Variants in RARB observed in about 807,000 individuals in gnomAD.
RARB encodes the protein retinoic acid receptor beta, also known as HBV-activated protein.
RARB carries 17 observed loss-of-function variants against 51.9 expected under a neutral mutation model. The observed-to-expected ratio is 0.33, with a 90% CI of 0.22 to 0.49. The LOEUF (loss-of-function observed/expected upper bound fraction) is 0.49, where lower values mean the gene tolerates loss of function less well. Ranked by LOEUF, RARB falls within the 20% of genes least tolerant of loss-of-function variation. The probability of loss-of-function intolerance (pLI) is 0.99; values close to 1 mark genes in which losing one functional copy is unlikely to be tolerated. For missense variants in RARB, 369 were observed against 550.8 expected, an observed-to-expected ratio of 0.67 and a Z score of 3.30; for synonymous variants, 215 against 195.4, an observed-to-expected ratio of 1.10 and a Z score of -0.84.
intron 1 of RARB, among the ~76,000 whole-genome samples, chr3:24,830,512 C>A (rs1325893118): frequency 6.7e-6 from 1 of 149,542 alleles, no homozygotes; most frequent in Non-Finnish European, 1.5e-5. Context: ...CACCCCTCCG[C>A]CCCGCCCCCT....
intron 2 of RARB, among the ~76,000 whole-genome samples, chr3:24,996,778 G>A (rs1038772323): frequency 4.6e-5 from 7 of 151,750 alleles, no homozygotes; most frequent in African/African-American, 1.7e-4. Context: ...TCCTCTTGTT[G>A]TTGATAATCT....
intron 2 of RARB, among the ~76,000 whole-genome samples, chr3:25,026,529 T>TG (rs1697753006): frequency 6.6e-6 from 1 of 152,160 alleles, no homozygotes; most frequent in Non-Finnish European, 1.5e-5. Context: ...AAATTTCCTA[T>TG]TCTTATAAGG....
chr3:25,084,145 C>T (rs774370497), intron 3 of RARB, among the ~76,000 whole-genome samples: 14 of 152,206 alleles, frequency 9.2e-5, no homozygotes, highest in Non-Finnish European at 1.5e-4. Flanking sequence ...CTATTCTTCA[C>T]ATTCTATCTA....
chr3:25,142,747 C>G (rs914510171), intron 4 of RARB, among the ~76,000 whole-genome samples: 29 of 152,072 alleles, frequency 1.9e-4, no homozygotes, highest in African/African-American at 7.0e-4. Context: ...CCTCCAGAAA[C>G]CAAGAGCAGA....
intron 2 of RARB, among the ~76,000 whole-genome samples, chr3:24,976,936 T>C (rs1363597606): frequency 6.6e-6 from 1 of 152,206 alleles, no homozygotes; most frequent in Non-Finnish European, 1.5e-5. Flanking sequence ...TTAATTTTTG[T>C]GTAAGGTGTA....
chr3:24,974,263 C>G lies in RARB; in HGVS notation c.-379-85862C>G, dbSNP rs1238749267. Among the ~76,000 whole-genome samples, 5 of 151,980 alleles carry G rather than the reference C, an allele frequency of 3.3e-5. No individual in the cohort carries two copies. The South Asian group carries it at 6.2e-4, about 19-fold the overall frequency. ...ATTGATTTGCATATGTTGAATTATT[C>G]TTGCATCCCTGGGATGAATTCCACT... On this transcript the variant is annotated intron_variant, in intron 2 of 11. Transcript: ENST00000383772.
intron 5 of RARB, among the ~76,000 whole-genome samples, chr3:25,338,654 G>A (rs753833904): frequency 1.4e-4 from 22 of 152,288 alleles, no homozygotes; most frequent in Middle Eastern, 3.4e-3. Context: ...GCTTCTGTGG[G>A]TTTCTGGAAG....
At chr3:25,321,678 C>G (rs556080667) in intron 5 of RARB, among the ~76,000 whole-genome samples, 1 of 151,884 alleles carries the variant, frequency 6.6e-6, no homozygotes, top group South Asian at 2.1e-4. Context: ...GATCATGCCA[C>G]TGTATCCCAG....
intron 5 of RARB, among the ~76,000 whole-genome samples, chr3:25,247,332 T>C (rs1372824373): frequency 6.6e-6 from 1 of 152,220 alleles, no homozygotes; most frequent in Non-Finnish European, 1.5e-5. Context: ...GAATGAACTG[T>C]TCTGTCTTGC....
chr3:25,239,803 C>G (rs759043498), intron 5 of RARB, among the ~76,000 whole-genome samples: 1 of 151,742 alleles, frequency 6.6e-6, no homozygotes, highest in Non-Finnish European at 1.5e-5. Context: ...TGGTTCCATA[C>G]AAATTTTTTC....
chr3:25,005,241 G>T (rs976599370), intron 2 of RARB, among the ~76,000 whole-genome samples: 3 of 152,100 alleles, frequency 2.0e-5, no homozygotes, highest in Non-Finnish European at 4.4e-5. Flanking sequence ...ACCTTTGCCT[G>T]TATCAGTTAT....
intron 2 of RARB, among the ~76,000 whole-genome samples, chr3:24,926,760 T>TG (rs141801104): frequency 0.039 from 5,945 of 152,166 alleles, 239 homozygotes; most frequent in East Asian, 0.18. Context: ...TCAGAGCTTC[T>TG]GGGTACTATA....
chr3:24,945,007 A>G (rs1483756587), intron 2 of RARB, among the ~76,000 whole-genome samples: 1 of 152,244 alleles, frequency 6.6e-6, no homozygotes, highest in Admixed American at 6.5e-5. Context: ...GTGTGTGAAC[A>G]TGTGCGCCCT....
chr3:25,265,347 A>G (rs1703099831), intron 5 of RARB, among the ~76,000 whole-genome samples: 1 of 152,234 alleles, frequency 6.6e-6, no homozygotes, highest in African/African-American at 2.4e-5. Context: ...GTTGATAAAT[A>G]CATACATAAT....
chr3:25,085,706 A>G (rs772377320), intron 3 of RARB, among the ~76,000 whole-genome samples: 2 of 152,160 alleles, frequency 1.3e-5, no homozygotes, highest in Admixed American at 1.3e-4. Flanking sequence ...ACTTGGCTTC[A>G]TCATCTTCCT....
At chr3:24,986,171 ATGTC>A (rs1035100809) in intron 2 of RARB, among the ~76,000 whole-genome samples, 30 of 152,324 alleles carry the variant, frequency 2.0e-4, no homozygotes, top group African/African-American at 7.0e-4. Context: ...TAGGTATTGA[ATGTC>A]TGTGTGTTCC....
chr3:25,022,249 T>C lies in RARB; in HGVS notation c.-379-37876T>C, dbSNP rs9827174. 5.0e-3 allele frequency among the ~76,000 whole-genome samples: 755 copies of C among 152,320 alleles called. 4 individuals carry two copies. Among genetic ancestry groups the C allele is most frequent in the African/African-American group, 0.016 (674 of 41,568 alleles). Reference sequence around the variant, plus strand: ...AAGCCTCCTTTGGCCACCCTTGTCATTACTCACCCTAAGGGTAACCAATAT... The same window carrying C: ...AAGCCTCCTTTGGCCACCCTTGTCACTACTCACCCTAAGGGTAACCAATAT... On this transcript the variant is annotated intron_variant, in intron 2 of 11. Transcript: ENST00000383772.
intron 5 of RARB, among the ~76,000 whole-genome samples, chr3:25,215,145 A>T (rs1701798605): frequency 6.6e-6 from 1 of 152,206 alleles, no homozygotes; most frequent in African/African-American, 2.4e-5. Context: ...CCCAAGTGTC[A>T]GTACCTTAGC....
At chr3:25,353,187 C>G (rs753925912) in intron 5 of RARB, among the ~76,000 whole-genome samples, 4 of 152,108 alleles carry the variant, frequency 2.6e-5, no homozygotes, top group Non-Finnish European at 5.9e-5. Flanking sequence ...TTTTAGTTGT[C>G]TCATCACCTC....
Sources: allele counts gnomAD v4.1 joint callset (sites outside exome capture counted in the v4.1 genomes callset), GRCh38; gene constraint gnomAD v4.1.1; transcripts MANE v1.5; gene names NCBI Gene and HGNC (gene_info 2026-07-23, HGNC 2026-07-21).